The following MLF2 variants were observed in gnomAD, a reference collection of about 807,000 sequenced individuals.
MLF2 encodes the protein myelodysplasia-myeloid leukemia factor 2.
In MLF2, 12 loss-of-function variants were observed where a neutral mutation model predicts 31.4. The observed-to-expected ratio is 0.38, with a 90% CI of 0.24 to 0.62. MLF2 has a LOEUF of 0.62. Ranked by LOEUF, MLF2 falls within the 20% of genes least tolerant of loss-of-function variation. The pLI, the probability that MLF2 is intolerant of heterozygous loss-of-function variation, is 0.58. For synonymous variants in MLF2, 109 were observed against 118.8 expected, an observed-to-expected ratio of 0.92 and a Z score of 0.54; for missense variants, 272 against 359.7, an observed-to-expected ratio of 0.76 and a Z score of 1.97.
rs1227570905 is a variant in MLF2 at position 6,749,736 on chromosome 12, AAAG to A, written c.559+109_559+111del. 7 of 1,398,760 alleles carry A rather than the reference AAAG, an allele frequency of 5.0e-6. No homozygotes were observed. In the African/African-American group the frequency reaches 8.7e-5, roughly 17 times the overall value. The allele number at this position is 1,398,760 out of a possible 1,614,324, so 86.6% of individuals were successfully genotyped here. On this transcript the variant is annotated intron_variant, in intron 7 of 8. Transcript: ENST00000203630. The surrounding 1 kb of genome is among the most constrained non-coding windows in gnomAD (Gnocchi z 5.3). The stretch of plus-strand genomic sequence containing the variant: ...GAGACTCCATCTCAAAAAAAAAAAA[AAAG>A]GAATATGGGGCTGACCCAGAGCTTT...
In MLF2 at chr12:6,748,516, A is replaced by T; in HGVS notation, c.*57T>A. 1 of 339,008 alleles carries T rather than the reference A, an allele frequency of 2.9e-6. No individual in the cohort carries two copies. The highest frequency in any genetic ancestry group is 4.6e-5 in the East Asian group (1 of 21,944). The allele number at this position is 339,008 out of a possible 1,614,324, so 21.0% of individuals were successfully genotyped here. On this transcript the variant is annotated 3_prime_UTR_variant, in exon 9 of 9. Coordinates refer to ENST00000203630, the MANE Select transcript of MLF2 (RefSeq NM_001382226.1). The surrounding 1 kb of genome is among the most constrained non-coding windows in gnomAD (Gnocchi z 4.6). ...GGGAATCGAGAGGAAAAAGTTATTC[A>T]GGGGATGATTTCTCAGCCTCTCAGC...
At position 6,749,248 on chromosome 12, in the gene MLF2, TTAA is replaced by T. The variant is rs1941573128; in HGVS notation, c.560-269_560-267del. Among the ~76,000 whole-genome samples the T allele has an allele frequency of 6.6e-6, 1 of 152,238 alleles. No individual in the cohort carries two copies. The highest frequency in any genetic ancestry group is 6.5e-5 in the Admixed American group (1 of 15,286). ...ACAGTCCTATGTGCACACTAGGTAC[TTAA>T]TAATTGCGGATTTGAAAAAGATAAA... On this transcript the variant is annotated intron_variant, in intron 7 of 8. Coordinates refer to ENST00000203630, the MANE Select transcript of MLF2 (RefSeq NM_001382226.1). This position sits in a 1 kb window ranked among gnomAD's most constrained non-coding sequence, Gnocchi z 5.3.
rs759027375 is a variant in MLF2, at chr12:6,748,805, T to C, written c.737A>G (p.Tyr246Cys). The C allele has an allele frequency of 3.3e-6, 5 of 1,531,812 alleles. No individual in the cohort carries two copies. Among genetic ancestry groups the C allele is most frequent in the Admixed American group, 4.9e-5 (2 of 40,924 alleles). The allele number at this position is 1,531,812 out of a possible 1,614,324, so 94.9% of individuals were successfully genotyped here. A position where few individuals can be genotyped will look rare whatever the true frequency, so the allele number is the denominator to read the frequency against. ...EDSPSRQSRR[Y>C]DW is the part of the protein sequence containing the mutation. ...GAGGGCCCGGGGCCCTCACCAGTCA[T>C]AGCGGCGGGACTGTCGGGAAGGGGA... Residue 246 changes from tyrosine to cysteine, a missense_variant, in exon 8 of 9, where the codon TAT becomes TGT. Coordinates refer to ENST00000203630, the MANE Select transcript of MLF2 (RefSeq NM_001382226.1). The surrounding 1 kb of genome is among the most constrained non-coding windows in gnomAD (Gnocchi z 4.6).
At position 6,749,474 on chromosome 12, in the gene MLF2, G is replaced by T. The variant is rs948296716; in HGVS notation, c.559+374C>A. Among the ~76,000 whole-genome samples the T allele has an allele frequency of 6.6e-6, 1 of 152,242 alleles. No homozygotes were observed. The highest frequency in any genetic ancestry group is 1.5e-5 in the Non-Finnish European group (1 of 68,044). On this transcript the variant is annotated intron_variant, in intron 7 of 8. Coordinates refer to ENST00000203630, the MANE Select transcript of MLF2 (RefSeq NM_001382226.1). This position sits in a 1 kb window ranked among gnomAD's most constrained non-coding sequence, Gnocchi z 5.3. ...TGCCTGTAATCCCGGCACTTTGGGA[G>T]GCCAACGGTCGGTGGGTGGATCACA...
In MLF2 at chr12:6,750,754, T is replaced by G. The variant is rs61731916; in HGVS notation, c.229A>C (p.Met77Leu). 6.2e-7 allele frequency: 1 copy of G among 1,613,986 alleles called. No individual in the cohort carries two copies. Among genetic ancestry groups the G allele is most frequent in the Non-Finnish European group, 8.5e-7 (1 of 1,179,960 alleles). Residue 77 changes from methionine (M) to leucine (L), a missense_variant, in exon 5 of 9, where the codon ATG (methionine) becomes CTG (leucine). Met to Leu is a conservative substitution (Grantham distance 15). Coordinates refer to ENST00000203630, the MANE Select transcript of MLF2 (RefSeq NM_001382226.1). The surrounding 1 kb of genome is among the most constrained non-coding windows in gnomAD (Gnocchi z 5.3). ...FGMLGMSGGF[M>L]DMFGMMNDMI... ...TCATTCATCATCCCAAACATGTCCATGAAACCACCCGACTGGAGGAAAGAG... is the reference window on the plus strand; with the variant it reads ...TCATTCATCATCCCAAACATGTCCAGGAAACCACCCGACTGGAGGAAAGAG...
In MLF2 at chr12:6,752,768, C is replaced by T. The variant is rs1276037460; in HGVS notation, c.-29+171G>A. 2.3e-5 allele frequency: 4 copies of T among 171,196 alleles called. No homozygotes were observed. Among genetic ancestry groups the T allele is most frequent in the Non-Finnish European group, 3.8e-5 (3 of 79,916 alleles). The allele number at this position is 171,196 out of a possible 1,614,324, so 10.6% of individuals were successfully genotyped here. On this transcript the variant is annotated intron_variant, in intron 1 of 8. Coordinates refer to ENST00000203630, the MANE Select transcript of MLF2 (RefSeq NM_001382226.1). This position sits in a 1 kb window ranked among gnomAD's most constrained non-coding sequence, Gnocchi z 4.6. The stretch of plus-strand genomic sequence containing the variant: ...TCAGGCCTCCCCCAGGCGGGCCTCA[C>T]TAAGCCCCCCGCGCCTGTCTGCGAC...
rs1941557277 is a variant in MLF2, at chr12:6,748,378, A to C, written c.*195T>G. The stretch of plus-strand genomic sequence containing the variant: ...GAGGCGAAGTCATCAATGGTAAACC[A>C]GGAGATTAAAGAAGGAAAAGGTAGG... On this transcript the variant is annotated 3_prime_UTR_variant, in exon 9 of 9. Coordinates refer to ENST00000203630, the MANE Select transcript of MLF2 (RefSeq NM_001382226.1). This position sits in a 1 kb window ranked among gnomAD's most constrained non-coding sequence, Gnocchi z 4.6. The C allele has an allele frequency of 6.2e-6, 1 of 161,086 alleles. No homozygotes were observed. Among genetic ancestry groups the C allele is most frequent in the South Asian group, 1.9e-4 (1 of 5,242 alleles). 10.0% of individuals were successfully genotyped at this position (161,086 alleles called of 1,614,324 possible).
At position 6,752,409 on chromosome 12, in the gene MLF2, G is replaced by A; in HGVS notation, c.-28-47C>T. The A allele has an allele frequency of 6.8e-7, 1 of 1,460,070 alleles. No homozygotes were observed. Among genetic ancestry groups the A allele is most frequent in the Middle Eastern group, 1.8e-4 (1 of 5,592 alleles). The allele number at this position is 1,460,070 out of a possible 1,614,324, so 90.4% of individuals were successfully genotyped here. A position where few individuals can be genotyped will look rare whatever the true frequency, so the allele number is the denominator to read the frequency against. ...GATACTTGGAGGTGGCCAGGGTTTT[G>A]CACACCCACTCAGTGTGGGGACTCT... On this transcript the variant is annotated intron_variant, in intron 1 of 8. Coordinates refer to ENST00000203630, the MANE Select transcript of MLF2 (RefSeq NM_001382226.1). This position sits in a 1 kb window ranked among gnomAD's most constrained non-coding sequence, Gnocchi z 4.6.
chr12:6,751,039 C>A, intron 4 of MLF2: 1 of 444,580 alleles, frequency 2.2e-6, no homozygotes. Context: ...GGAAGCAAGC[C>A]AAAGTAATGG....
rs114510317 is a variant in MLF2, at chr12:6,751,599, A to T, written c.216+42T>A. 8.3e-4 allele frequency: 1,326 copies of T among 1,588,412 alleles called. 10 individuals carry two copies. The African/African-American group carries it at 0.016, about 19-fold the overall frequency. The stretch of plus-strand genomic sequence containing the variant: ...TTGGGAATAATATCTAAGGGTAGAG[A>T]GTGTGTCTGAGATGGAAGGACACAG... On this transcript the variant is annotated intron_variant, in intron 4 of 8. Coordinates refer to ENST00000203630, the MANE Select transcript of MLF2 (RefSeq NM_001382226.1).
rs369834760 is a variant in MLF2 at position 6,752,090 on chromosome 12, G to T, written c.51-36C>A. The T allele has an allele frequency of 1.2e-6, 2 of 1,612,770 alleles. No homozygotes were observed. The highest frequency in any genetic ancestry group is 8.5e-7 in the Non-Finnish European group (1 of 1,179,016). On this transcript the variant is annotated intron_variant, in intron 2 of 8. Transcript: ENST00000203630. The surrounding 1 kb of genome is among the most constrained non-coding windows in gnomAD (Gnocchi z 4.6). ...AGCACATAGTATGGATGGCAGAAGC[G>T]CCAAACTGTCAATCCCTCCACCACC... is the stretch of plus-strand genomic sequence containing the variant.
In MLF2 at chr12:6,748,922, C is replaced by T. The variant is rs765730961; in HGVS notation, c.620G>A (p.Arg207His). Residue 207 changes from arginine to histidine, a missense_variant, in exon 8 of 9, where the codon CGT becomes CAT. Physicochemically the swap from Arg to His is conservative, Grantham distance 29 (BLOSUM62 0). Coordinates refer to ENST00000203630, the MANE Select transcript of MLF2 (RefSeq NM_001382226.1). The surrounding 1 kb of genome is among the most constrained non-coding windows in gnomAD (Gnocchi z 4.6). ...RRETSRFRQQ[R>H]PLEFRRLESS... ...CTCAAGCCGCCGAAACTCCAGGGGA[C>T]GCTGCTGCCGGAATCGGGAGGTCTC... 4.7e-5 allele frequency: 76 copies of T among 1,602,458 alleles called. No homozygotes were observed. Among genetic ancestry groups the T allele is most frequent in the South Asian group, 7.8e-5 (7 of 89,608 alleles).
chr12:6,752,416 C>T lies in MLF2; in HGVS notation c.-28-54G>A. 1 of 1,420,298 alleles carries T rather than the reference C, an allele frequency of 7.0e-7. No homozygotes were observed. Among genetic ancestry groups the T allele is most frequent in the Non-Finnish European group, 9.7e-7 (1 of 1,030,866 alleles). 88.0% of individuals were successfully genotyped at this position (1,420,298 alleles called of 1,614,324 possible). A position where few individuals can be genotyped will look rare whatever the true frequency, so the allele number is the denominator to read the frequency against. On this transcript the variant is annotated intron_variant, in intron 1 of 8. Coordinates refer to ENST00000203630, the MANE Select transcript of MLF2 (RefSeq NM_001382226.1). The surrounding 1 kb of genome is among the most constrained non-coding windows in gnomAD (Gnocchi z 4.6). Reference sequence around the variant, plus strand: ...GGAGGTGGCCAGGGTTTTGCACACCCACTCAGTGTGGGGACTCTCAGAGCA... The same window carrying T: ...GGAGGTGGCCAGGGTTTTGCACACCTACTCAGTGTGGGGACTCTCAGAGCA...
chr12:6,748,972 T>C lies in MLF2; in HGVS notation c.570A>G (p.Ala190=). The C allele has an allele frequency of 6.3e-7, 1 of 1,597,052 alleles. No homozygotes were observed. The highest frequency in any genetic ancestry group is 2.3e-5 in the East Asian group (1 of 43,194). The change falls in exon 8 of 9, where the codon GCA becomes GCG. Residue 190 remains alanine (A), a synonymous_variant. Coordinates refer to ENST00000203630, the MANE Select transcript of MLF2 (RefSeq NM_001382226.1). This position sits in a 1 kb window ranked among gnomAD's most constrained non-coding sequence, Gnocchi z 4.6. ...DYINLDESEA[A]AFDDEWRRET... is the part of the protein sequence containing the mutation. The stretch of plus-strand genomic sequence containing the variant: ...CCCGCCGCCACTCGTCATCAAACGC[T>C]GCGGCCTCACCTGGAAAGGACAGAG...
Position 6,750,589 on chromosome 12 carries a change from C to T in MLF2, c.270+124G>A. ...TACAGGGTCCCAAGGCTCTCTGGTTCAATTACTTTATCCAGTACTTTACCC... is the reference window on the plus strand; with the variant it reads ...TACAGGGTCCCAAGGCTCTCTGGTTTAATTACTTTATCCAGTACTTTACCC... On this transcript the variant is annotated intron_variant, in intron 5 of 8. Coordinates refer to ENST00000203630, the MANE Select transcript of MLF2 (RefSeq NM_001382226.1). The surrounding 1 kb of genome is among the most constrained non-coding windows in gnomAD (Gnocchi z 5.3). 8.4e-7 allele frequency: 1 copy of T among 1,191,570 alleles called. No homozygotes were observed. Among genetic ancestry groups the T allele is most frequent in the Non-Finnish European group, 1.2e-6 (1 of 823,884 alleles). 73.8% of individuals were successfully genotyped at this position (1,191,570 alleles called of 1,614,324 possible). A position where few individuals can be genotyped will look rare whatever the true frequency, so the allele number is the denominator to read the frequency against.
In MLF2 at chr12:6,749,670, G is replaced by A. The variant is rs187156951; in HGVS notation, c.559+178C>T. On this transcript the variant is annotated intron_variant, in intron 7 of 8. Transcript: ENST00000203630. This position sits in a 1 kb window ranked among gnomAD's most constrained non-coding sequence, Gnocchi z 5.3. ...GCGGAGGTTGCAGTGAGCTGAGATC[G>A]CGCCACTGCACTCCAGCCTGGGCAC... 1,119 of 788,016 alleles carry A rather than the reference G, an allele frequency of 1.4e-3. 8 individuals carry two copies. In the African/African-American group the frequency reaches 0.017, roughly 12 times the overall value. 48.8% of individuals were successfully genotyped at this position (788,016 alleles called of 1,614,324 possible).
Position 6,750,800 on chromosome 12 carries a change from A to G in MLF2, c.217-34T>C. 1 of 1,602,566 alleles carries G rather than the reference A, an allele frequency of 6.2e-7. No homozygotes were observed. The highest frequency in any genetic ancestry group is 8.5e-7 in the Non-Finnish European group (1 of 1,169,904). On this transcript the variant is annotated intron_variant, in intron 4 of 8. Coordinates refer to ENST00000203630, the MANE Select transcript of MLF2 (RefSeq NM_001382226.1). This position sits in a 1 kb window ranked among gnomAD's most constrained non-coding sequence, Gnocchi z 5.3. ...AAGAGATGGAAAACAGAGTCAGGAA[A>G]GCAAAGTCAGTGTTCAGAGTTGATC...
At position 6,749,005 on chromosome 12, in the gene MLF2, G is replaced by A; in HGVS notation, c.560-23C>T. 2 of 1,546,060 alleles carry A rather than the reference G, an allele frequency of 1.3e-6. No homozygotes were observed. The highest frequency in any genetic ancestry group is 1.2e-5 in the South Asian group (1 of 80,876). Reference sequence around the variant, plus strand: ...CACCTGGAAAGGACAGAGCGGACATGAGGCCTGTGTGCGGCCTGGCTCCTG... The same window carrying A: ...CACCTGGAAAGGACAGAGCGGACATAAGGCCTGTGTGCGGCCTGGCTCCTG... On this transcript the variant is annotated intron_variant, in intron 7 of 8. Coordinates refer to ENST00000203630, the MANE Select transcript of MLF2 (RefSeq NM_001382226.1). This position sits in a 1 kb window ranked among gnomAD's most constrained non-coding sequence, Gnocchi z 5.3.
At chr12:6,751,815 C>A (rs972325993) in intron 3 of MLF2, 110 bp downstream of exon 3, 3 of 1,573,052 alleles carry the variant, frequency 1.9e-6, no homozygotes, top group African/African-American at 2.7e-5. Flanking sequence ...CTTTCCCCAA[C>A]TCCTAGAGCA....
Sources: allele counts gnomAD v4.1 joint callset (sites outside exome capture counted in the v4.1 genomes callset), GRCh38; gene constraint gnomAD v4.1.1; non-coding constraint Gnocchi (gnomAD v3.1); transcripts MANE v1.5; gene names NCBI Gene and HGNC (gene_info 2026-07-23, HGNC 2026-07-21).